Variants in OFD1 observed in about 807,000 individuals in gnomAD.
OFD1 encodes the protein OFD1 centriole and centriolar satellite protein.
In OFD1, 12 loss-of-function variants were observed where a neutral mutation model predicts 81.4. The ratio of observed to expected loss-of-function variants is 0.15; its 90% CI spans 0.09 to 0.24. OFD1 has a LOEUF of 0.24. OFD1 is among the 10% of genes least tolerant of loss of function. The pLI is 1.00. For synonymous variants in OFD1, 256 were observed against 263.7 expected, an observed-to-expected ratio of 0.97 and a Z score of 0.28; for missense variants, 685 against 733.9, an observed-to-expected ratio of 0.93 and a Z score of 0.77.
At chrX:13,734,689 T>C, upstream of OFD1, 2 of 952,378 alleles carry the variant, frequency 2.1e-6, no homozygotes, top group Non-Finnish European at 2.6e-6. Context: ...ACCAAGCTCA[T>C]GCGCCGTAGC....
At position 13,753,430 on chromosome X, in the gene OFD1, G is replaced by A; in HGVS notation, c.1118G>A (p.Arg373Lys). 8.3e-7 allele frequency: 1 copy of A among 1,210,140 alleles called. No homozygotes were observed. The highest frequency in any genetic ancestry group is 1.1e-6 in the Non-Finnish European group (1 of 894,284). Reference sequence around the variant, plus strand: ...ACTAATCGACTGATTGAAGATGAAAGGAAGAATAAAGGTGATGTTTGGGGG... The same window carrying A: ...ACTAATCGACTGATTGAAGATGAAAAGAAGAATAAAGGTGATGTTTGGGGG... ...IRTNRLIEDE[R>K]KNKEKAVHLQ... Residue 373 changes from arginine (R) to lysine (K), a missense_variant, in exon 11 of 23, where the codon AGG becomes AAG. Coordinates refer to ENST00000340096, the MANE Select transcript of OFD1 (RefSeq NM_003611.3).
intron 11 of OFD1, among the ~76,000 whole-genome samples, chrX:13,754,717 A>G (rs146011439): frequency 6.3e-4 from 71 of 112,588 alleles, no homozygotes; most frequent in Non-Finnish European, 9.4e-4. Flanking sequence ...CCCTTTTACT[A>G]TCTTGTGGAG....
the OFD1 span, among the ~76,000 whole-genome samples, chrX:13,717,049 A>C: frequency 4.8e-5 from 5 of 104,376 alleles, no homozygotes; most frequent in African/African-American, 7.0e-5. Context: ...AAAAAAAAAA[A>C]AAAAAAAAAA....
Position 13,769,112 on chromosome X carries a change from T to C in OFD1, c.*4T>C. On this transcript the variant is annotated 3_prime_UTR_variant, in exon 23 of 23. Transcript: ENST00000340096. ...AGAACTAGACGACTCTTGGTAACCATGTTTGCTGCCCAGCTTCTAACTTAC... is the reference window on the plus strand; with the variant it reads ...AGAACTAGACGACTCTTGGTAACCACGTTTGCTGCCCAGCTTCTAACTTAC... 5 of 1,183,444 alleles carry C rather than the reference T, an allele frequency of 4.2e-6. No individual in the cohort carries two copies. Among genetic ancestry groups the C allele is most frequent in the Middle Eastern group, 4.7e-4 (2 of 4,267 alleles).
chrX:13,752,959 G>C (rs1193044314), intron 10 of OFD1: 11 of 901,011 alleles, frequency 1.2e-5, no homozygotes, highest in East Asian at 7.9e-5. Context: ...TTCTTACCTT[G>C]GTTGGGGGTG....
intron 8 of OFD1, among the ~76,000 whole-genome samples, chrX:13,748,831 T>C (rs957490654): frequency 9.9e-5 from 11 of 111,123 alleles, no homozygotes; most frequent in African/African-American, 3.6e-4. Flanking sequence ...AAAATTTAGG[T>C]AAGGGCGCCA....
intron 3 of OFD1, among the ~76,000 whole-genome samples, chrX:13,738,310 T>C (rs910700593): frequency 8.9e-6 from 1 of 112,889 alleles, no homozygotes; most frequent in Non-Finnish European, 1.9e-5. Context: ...ATATTTACTT[T>C]AAAGGAAAAC....
In OFD1 at chrX:13,734,927, C is replaced by G. The variant is rs756446116; in HGVS notation, c.-145C>G. The stretch of plus-strand genomic sequence containing the variant: ...GTGCGAGGCAGAGAACGTTCAGCAC[C>G]TTTGTTCCTCCCGAACCCTCGGGAC... On this transcript the variant is annotated 5_prime_UTR_variant, in exon 1 of 23. Transcript: ENST00000340096. The G allele has an allele frequency of 1.1e-4, 126 of 1,107,636 alleles. No homozygotes were observed. Among genetic ancestry groups the G allele is most frequent in the Non-Finnish European group, 1.5e-4 (126 of 852,139 alleles). 91.3% of individuals were successfully genotyped at this position (1,107,636 alleles called of 1,213,427 possible). A position where few individuals can be genotyped will look rare whatever the true frequency, so the allele number is the denominator to read the frequency against.
chrX:13,745,294 A>G (rs1305968906), intron 6 of OFD1, among the ~76,000 whole-genome samples: 1 of 112,607 alleles, frequency 8.9e-6, no homozygotes, highest in Non-Finnish European at 1.9e-5. Flanking sequence ...TAAATTTTCT[A>G]GTAGCCACGT....
chrX:13,750,411 C>G (rs981695122), intron 9 of OFD1, among the ~76,000 whole-genome samples: 8 of 111,566 alleles, frequency 7.2e-5, no homozygotes, highest in Non-Finnish European at 1.5e-4. Flanking sequence ...ATACCTAGAG[C>G]CTTTACCTGT....
Position 13,736,629 on chromosome X carries a change from A to G in OFD1, c.263A>G (p.Glu88Gly). The G allele has an allele frequency of 8.3e-7, 1 of 1,210,391 alleles. No individual in the cohort carries two copies. ...VADHLQRCGY[E>G]YSLSVFFPES... ...GATCACTTACAAAGATGTGGCTATGAATATTCACTTTCTGTTTTCTTTCCA... is the reference window on the plus strand; with the variant it reads ...GATCACTTACAAAGATGTGGCTATGGATATTCACTTTCTGTTTTCTTTCCA... Residue 88 changes from glutamate (E) to glycine (G), a missense_variant, in exon 3 of 23, where the codon GAA becomes GGA. By Grantham distance (98) the Glu-to-Gly change is moderately conservative (BLOSUM62 -2). Transcript: ENST00000340096.
chrX:13,752,818 A>C (rs1463546190), intron 10 of OFD1: 13 of 967,055 alleles, frequency 1.3e-5, no homozygotes, highest in African/African-American at 2.0e-5. Flanking sequence ...TTTTGGAACC[A>C]AAAGGGCAGC....
the OFD1 span, chrX:13,720,007 AT>A: frequency 1.0e-6 from 1 of 972,554 alleles, no homozygotes; most frequent in Non-Finnish European, 1.4e-6. Flanking sequence ...AATAGTACAT[AT>A]TTTTAGTAGT....
chrX:13,734,687 C>T (rs1371227375), upstream of OFD1: 11 of 953,179 alleles, frequency 1.2e-5, no homozygotes, highest in South Asian at 3.6e-5. Flanking sequence ...CAACCAAGCT[C>T]ATGCGCCGTA....
At chrX:13,743,519 A>AAT (rs779769940) in intron 5 of OFD1, among the ~76,000 whole-genome samples, 1 of 112,290 alleles carries the variant, frequency 8.9e-6, no homozygotes, top group Admixed American at 9.4e-5. Context: ...ATGCATTTCG[A>AAT]ATATATATAA....
chrX:13,738,966 A>G (rs770052665), intron 4 of OFD1, 36 bp from the exon 5 acceptor site: 2 of 1,184,133 alleles, frequency 1.7e-6, no homozygotes, highest in South Asian at 1.8e-5. Context: ...TTATAACTGA[A>G]TAGCTGAATA....
intron 19 of OFD1, among the ~76,000 whole-genome samples, chrX:13,766,203 G>A (rs758429219): frequency 7.1e-5 from 8 of 112,465 alleles, no homozygotes; most frequent in African/African-American, 2.6e-4. Context: ...ATGCTGCACA[G>A]CAGATCCACA....
At chrX:13,734,578 C>A, upstream of OFD1, 1 of 575,852 alleles carries the variant, frequency 1.7e-6, no homozygotes, top group Non-Finnish European at 2.2e-6. Flanking sequence ...CGGAAGAGAC[C>A]CGCGCCCCGA....
rs1385209865 is a variant in OFD1, at chrX:13,767,095, T to C, written c.2600-32T>C. ...TGCATTCATTTGAATAATCTGATAC[T>C]GGAAGCTACTCTTTATTTTCTGTCC... On this transcript the variant is annotated intron_variant, in intron 19 of 22. Coordinates refer to ENST00000340096, the MANE Select transcript of OFD1 (RefSeq NM_003611.3). 2.5e-6 allele frequency: 3 copies of C among 1,191,035 alleles called. No individual in the cohort carries two copies. The East Asian group carries it at 8.9e-5, about 35-fold the overall frequency.
Sources: allele counts gnomAD v4.1 joint callset (sites outside exome capture counted in the v4.1 genomes callset), GRCh38; gene constraint gnomAD v4.1.1; transcripts MANE v1.5; gene names NCBI Gene and HGNC (gene_info 2026-07-23, HGNC 2026-07-21).